The following ZNF350 variants were observed in gnomAD, a reference collection of about 807,000 sequenced individuals.
ZNF350 encodes the protein KRAB zinc finger protein ZFQR.
ZNF350 carries 5 observed loss-of-function variants against 13.1 expected under a neutral mutation model. The observed-to-expected ratio is 0.38, with a 90% CI of 0.20 to 0.80. The LOEUF is 0.80. Among genes scored for constraint, ZNF350 ranks in the 30% least tolerant of loss-of-function variants. The pLI, the probability that ZNF350 is intolerant of heterozygous loss-of-function variation, is 0.43. For missense variants in ZNF350, 534 were observed against 644.2 expected, an observed-to-expected ratio of 0.83 and a Z score of 1.85; for synonymous variants, 199 against 224.2, an observed-to-expected ratio of 0.89 and a Z score of 1.00.
At chr19:51,969,460 T>C (rs1366656604) in intron 2 of ZNF350, among the ~76,000 whole-genome samples, 1 of 152,124 alleles carries the variant, frequency 6.6e-6, no homozygotes, top group African/African-American at 2.4e-5. Flanking sequence ...ATGAAAGACA[T>C]ATATACAGCC....
intron 1 of ZNF350, among the ~76,000 whole-genome samples, chr19:51,982,357 A>C (rs2122959755): frequency 6.6e-6 from 1 of 152,368 alleles, no homozygotes; most frequent in East Asian, 1.9e-4. Context: ...ATCCTAACAG[A>C]GCACTTAACC....
intron 2 of ZNF350, among the ~76,000 whole-genome samples, chr19:51,972,394 C>T (rs913992612): frequency 6.6e-6 from 1 of 150,482 alleles, no homozygotes; most frequent in Non-Finnish European, 1.5e-5. Flanking sequence ...CACACAAAAC[C>T]TTTATGATCT....
chr19:51,969,138 TAAC>T lies in ZNF350; in HGVS notation c.16-10_16-8del. On this transcript the variant is annotated splice_polypyrimidine_tract_variant and splice_region_variant and intron_variant, in intron 2 of 4. Transcript: ENST00000243644. Reference sequence around the variant, plus strand: ...CCTCCAGTGTTATGGATTCCTGTAATAACAGTCCTGTTTAATAAAGTGATGTCT... The same window carrying T: ...CCTCCAGTGTTATGGATTCCTGTAATAGTCCTGTTTAATAAAGTGATGTCT... 6.2e-7 allele frequency: 1 copy of T among 1,612,938 alleles called. No individual in the cohort carries two copies. Among genetic ancestry groups the T allele is most frequent in the Non-Finnish European group, 8.5e-7 (1 of 1,179,312 alleles).
intron 1 of ZNF350, among the ~76,000 whole-genome samples, chr19:51,980,294 G>T (rs2086001439): frequency 6.6e-6 from 1 of 152,092 alleles, no homozygotes; most frequent in Non-Finnish European, 1.5e-5. Context: ...CTGAGCCTTG[G>T]GCTGCCACAC....
chr19:51,974,408 T>C lies in ZNF350; in HGVS notation c.-48A>G, dbSNP rs1430010740. The stretch of plus-strand genomic sequence containing the variant: ...GCATTCAACTGGGATGGTCTGTCTT[T>C]GTATCTTCTGGCCTTCTCTTCAGAA... On this transcript the variant is annotated 5_prime_UTR_variant, in exon 2 of 5. Transcript: ENST00000243644. The C allele has an allele frequency of 6.2e-7, 1 of 1,610,206 alleles. No homozygotes were observed. Among genetic ancestry groups the C allele is most frequent in the East Asian group, 2.2e-5 (1 of 44,850 alleles).
intron 1 of ZNF350, chr19:51,986,371 C>T (rs1330551523): frequency 6.6e-6 from 1 of 152,358 alleles, no homozygotes; most frequent in Non-Finnish European, 1.5e-5. Flanking sequence ...ATCCGAACCA[C>T]GGACCAGACA....
chr19:51,967,276 G>C (rs182825698), intron 4 of ZNF350: 1 of 152,092 alleles, frequency 6.6e-6, no homozygotes, highest in African/African-American at 2.4e-5. Flanking sequence ...AATGATCACC[G>C]TGTGCCAGGT....
rs1172265281 is a variant in ZNF350 at position 51,968,734 on chromosome 19, G to GGAA, written c.143-64_143-62dup. 9.8e-6 allele frequency: 15 copies of GGAA among 1,534,332 alleles called. No homozygotes were observed. The African/African-American group carries it at 1.2e-4, about 13-fold the overall frequency. On this transcript the variant is annotated intron_variant, in intron 3 of 4. Coordinates refer to ENST00000243644, the MANE Select transcript of ZNF350 (RefSeq NM_021632.4). ...CAAATTGGGCTGGCAATGTCAAGAA[G>GGAA]GAAGAATGTTACATTTCAAGAAACT... is the stretch of plus-strand genomic sequence containing the variant.
At chr19:51,979,325 G>A (rs2085976570) in intron 1 of ZNF350, among the ~76,000 whole-genome samples, 1 of 152,080 alleles carries the variant, frequency 6.6e-6, no homozygotes, top group Non-Finnish European at 1.5e-5. Context: ...CAATCCCCCA[G>A]CAGTATGGCC....
intron 2 of ZNF350, among the ~76,000 whole-genome samples, chr19:51,971,637 T>G (rs866758343): frequency 6.6e-6 from 1 of 152,212 alleles, no homozygotes; most frequent in African/African-American, 2.4e-5. Flanking sequence ...TCCTCTGGAC[T>G]GAGCAGCTGA....
At chr19:51,968,761 G>C in intron 3 of ZNF350, 88 bp from the exon 4 acceptor site, 1 of 1,471,420 alleles carries the variant, frequency 6.8e-7, no homozygotes, top group Non-Finnish European at 9.3e-7. Context: ...CAAGAAACTT[G>C]AGTTTCTTAA....
Position 51,964,464 on chromosome 19 carries a change from A to T in ZNF350, c.*390T>A, listed in dbSNP as rs1440753536. On this transcript the variant is annotated 3_prime_UTR_variant, in exon 5 of 5. Transcript: ENST00000243644. ...AATCCTCCACACTGGCACTGGTCTA[A>T]GGAAACTGAATTGACACATATGTGT... 1 of 201,242 alleles carries T rather than the reference A, an allele frequency of 5.0e-6. No homozygotes were observed. Among genetic ancestry groups the T allele is most frequent in the African/African-American group, 2.3e-5 (1 of 42,970 alleles). The allele number at this position is 201,242 out of a possible 1,614,324, so 12.5% of individuals were successfully genotyped here.
chr19:51,966,282 T>C, intron 4 of ZNF350, 68 bp from the exon 5 acceptor site: 2 of 1,412,520 alleles, frequency 1.4e-6, no homozygotes, highest in Non-Finnish European at 1.8e-6. Flanking sequence ...GGTTTTTTTG[T>C]TTTTTTTGTT....
rs772941070 is a variant in ZNF350 at position 51,966,090 on chromosome 19, C to G, written c.363G>C (p.Leu121=). The G allele has an allele frequency of 5.0e-6, 8 of 1,614,054 alleles. No homozygotes were observed. The Admixed American group carries it at 1.0e-4, about 20-fold the overall frequency. ...CAAATATATCATGATTTTGCCCTAA[C>G]AGAAACTGACTTTTGCTGCAATGAA... is the stretch of plus-strand genomic sequence containing the variant. The part of the protein sequence containing the change: ...NIVHCSKSQF[L]LGQNHDIFDL... The change falls in exon 5 of 5, where the codon CTG becomes CTC. Residue 121 remains leucine (L), a synonymous_variant. Coordinates refer to ENST00000243644, the MANE Select transcript of ZNF350 (RefSeq NM_021632.4).
Position 51,969,151 on chromosome 19 carries a change from T to G in ZNF350, c.16-20A>C. ...GGATTCCTGTAATAACAGTCCTGTT[T>G]AATAAAGTGATGTCTTTTTGATGAT... On this transcript the variant is annotated intron_variant, in intron 2 of 4. Transcript: ENST00000243644. 6.2e-7 allele frequency: 1 copy of G among 1,608,406 alleles called. No individual in the cohort carries two copies. Among genetic ancestry groups the G allele is most frequent in the Non-Finnish European group, 8.5e-7 (1 of 1,176,002 alleles).
chr19:51,964,755 C>G lies in ZNF350; in HGVS notation c.*99G>C. ...TAATAGGATGAGTTTATCAGGCTATCTCAGCCTTATACATGTTCTCTCAGT... is the reference window on the plus strand; with the variant it reads ...TAATAGGATGAGTTTATCAGGCTATGTCAGCCTTATACATGTTCTCTCAGT... On this transcript the variant is annotated 3_prime_UTR_variant, in exon 5 of 5. Transcript: ENST00000243644. The G allele has an allele frequency of 7.3e-7, 1 of 1,371,500 alleles. No homozygotes were observed. The highest frequency in any genetic ancestry group is 9.9e-7 in the Non-Finnish European group (1 of 1,008,660). The allele number at this position is 1,371,500 out of a possible 1,614,324, so 85.0% of individuals were successfully genotyped here.
At chr19:51,975,825 A>G (rs1270345917) in intron 1 of ZNF350, among the ~76,000 whole-genome samples, 1 of 151,762 alleles carries the variant, frequency 6.6e-6, no homozygotes, top group Non-Finnish European at 1.5e-5. Flanking sequence ...CCCGGGTTCA[A>G]GCAATTCTCT....
chr19:51,977,641 A>G (rs2085930812), intron 1 of ZNF350, among the ~76,000 whole-genome samples: 1 of 152,248 alleles, frequency 6.6e-6, no homozygotes, highest in Admixed American at 6.5e-5. Context: ...GGGTTGCAGG[A>G]ACCCTATGCA....
chr19:51,982,490 C>T (rs747886505), intron 1 of ZNF350, among the ~76,000 whole-genome samples: 2 of 152,064 alleles, frequency 1.3e-5, no homozygotes, highest in Non-Finnish European at 2.9e-5. Context: ...TTTAGAAGAA[C>T]TCGAATATAT....
Sources: gnomAD v4.1 joint callset for allele counts (sites outside exome capture counted in the v4.1 genomes callset) on GRCh38, gnomAD v4.1.1 for gene constraint, MANE v1.5 for transcripts, NCBI Gene and HGNC (gene_info 2026-07-23, HGNC 2026-07-21) for gene names.